The following KANSL1 variants were observed in gnomAD, a reference collection of about 807,000 sequenced individuals.
KANSL1 encodes KAT8 regulatory NSL complex subunit 1.
KANSL1 carries 22 observed loss-of-function variants against 103.6 expected under a neutral mutation model. The observed-to-expected ratio is 0.21, with a 90% confidence interval of 0.15 to 0.30. The LOEUF is 0.30. Ranked by LOEUF, KANSL1 falls within the 10% of genes least tolerant of loss-of-function variation. The pLI is 1.00. For synonymous variants in KANSL1, 600 were observed against 527.6 expected (o/e 1.14, Z -1.88); for missense variants, 1,337 against 1,399.8 (o/e 0.96, Z 0.72).
rs552931988 is a variant in KANSL1 at position 46,030,188 on chromosome 17, A to G, written c.*1288T>C. ...CTAAAAGGGTTATTCAGAATTTTCA[A>G]CCTTATAAATAGAAGAAGCACTTTA... On this transcript the variant is annotated 3_prime_UTR_variant, in exon 15 of 15. Transcript: ENST00000432791. 1 of 152,178 alleles carries G rather than the reference A, an allele frequency of 6.6e-6. No individual in the cohort carries two copies. Among genetic ancestry groups the G allele is most frequent in the African/African-American group, 2.4e-5 (1 of 41,412 alleles). The allele number at this position is 152,178 out of a possible 1,614,324, so 9.4% of individuals were successfully genotyped here.
intron 2 of KANSL1, among the ~76,000 whole-genome samples, chr17:46,100,335 G>A (rs532871317): frequency 1.3e-5 from 2 of 151,986 alleles, no homozygotes; most frequent in African/African-American, 4.8e-5. Context: ...TACATAGGAG[G>A]CTGAGGCAGG....
intron 1 of KANSL1, among the ~76,000 whole-genome samples, chr17:46,213,871 C>A (rs2048253207): frequency 6.6e-6 from 1 of 151,744 alleles, no homozygotes; most frequent in Non-Finnish European, 1.5e-5. Context: ...TGAGCCGAGA[C>A]TGCGCCACTG....
chr17:46,031,991 C>T, intron 14 of KANSL1, 56 bp downstream of exon 14: 1 of 1,611,252 alleles, frequency 6.2e-7, no homozygotes, highest in Non-Finnish European at 8.5e-7. Context: ...GATGCTGCCC[C>T]TTCCTGGTTC....
intron 1 of KANSL1, among the ~76,000 whole-genome samples, chr17:46,183,807 G>A (rs2046900922): frequency 6.6e-6 from 1 of 152,162 alleles, no homozygotes; most frequent in African/African-American, 2.4e-5. Context: ...CAGCTATTCA[G>A]AAGGCTGAGG....
intron 2 of KANSL1, among the ~76,000 whole-genome samples, chr17:46,129,828 T>C (rs2043759575): frequency 6.6e-6 from 1 of 152,016 alleles, no homozygotes; most frequent in South Asian, 2.1e-4. Context: ...TACTAAGAAA[T>C]TTATAGGACT....
chr17:46,136,779 A>G (rs1392978198), intron 2 of KANSL1, among the ~76,000 whole-genome samples: 1 of 152,294 alleles, frequency 6.6e-6, no homozygotes, highest in East Asian at 1.9e-4. Flanking sequence ...GAAGAAAACC[A>G]GAAAGACAAA....
chr17:46,150,960 G>A (rs1950273840), intron 2 of KANSL1, among the ~76,000 whole-genome samples: 1 of 148,728 alleles, frequency 6.7e-6, no homozygotes. Context: ...AGTATCTTGT[G>A]TTCAGCATTA....
Position 46,066,539 on chromosome 17 carries a change from T to C in KANSL1, c.1846A>G (p.Lys616Glu), listed in dbSNP as rs1331530218. The C allele has an allele frequency of 6.2e-7, 1 of 1,610,736 alleles. No homozygotes were observed. The change falls in exon 6 of 15, where the codon AAG becomes GAG. Residue 616 changes from lysine (K) to glutamate (E), a missense_variant and splice_region_variant. This residue lies in a region of KANSL1 where 780 missense variants were observed against 923.4 expected (regional missense o/e 0.84). Transcript: ENST00000432791. ...RPNSIVPLSK[K>E]VHRNSTIRPG... The stretch of plus-strand genomic sequence containing the variant: ...GACCAACTCTCATCTGTACCGACCT[T>C]CTTGGAAAGAGGAACGATGCTGTTG...
At position 46,031,614 on chromosome 17, in the gene KANSL1, T is replaced by C; in HGVS notation, c.3180A>G (p.Ala1060=). ...CEDQLDAQER[A]ARCTRRTSGS... is the part of the protein sequence containing the mutation. ...CTGAGGTGCGTCGAGTGCAGCGGGC[T>C]GCTCGCTCCTGTGCATCCAGCTGGT... The change falls in exon 15 of 15, where the codon GCA becomes GCG. Residue 1060 remains alanine, a synonymous_variant. Coordinates refer to ENST00000432791, the MANE Select transcript of KANSL1 (RefSeq NM_015443.4). 1 of 1,614,102 alleles carries C rather than the reference T, an allele frequency of 6.2e-7. No individual in the cohort carries two copies. Among genetic ancestry groups the C allele is most frequent in the Non-Finnish European group, 8.5e-7 (1 of 1,179,978 alleles).
At chr17:46,031,820 T>C in intron 14 of KANSL1, 117 bp from the exon 15 acceptor site, 1 of 1,095,080 alleles carries the variant, frequency 9.1e-7, no homozygotes, top group Non-Finnish European at 1.3e-6. Flanking sequence ...CTAGTGTTCC[T>C]GCGACAGTCT....
chr17:46,216,556 G>A (rs901002095), intron 1 of KANSL1, among the ~76,000 whole-genome samples: 10 of 143,040 alleles, frequency 7.0e-5, no homozygotes, highest in South Asian at 6.4e-4. Flanking sequence ...CCGAGATCAC[G>A]CCACTGCACT....
intron 1 of KANSL1, among the ~76,000 whole-genome samples, chr17:46,188,040 C>G (rs923851706): frequency 3.3e-5 from 5 of 152,136 alleles, no homozygotes; most frequent in Non-Finnish European, 7.3e-5. Flanking sequence ...TTATTTTCTC[C>G]TATGTATTTT....
chr17:46,067,670 G>A lies in KANSL1; in HGVS notation c.1534-3C>T. ...AATGGCTGAGAAACAGACTCAATCT[G>A]ATTAAGAAAAAGGAAAAAAGAAATT... On this transcript the variant is annotated splice_polypyrimidine_tract_variant and splice_region_variant and intron_variant, in intron 4 of 14. Transcript: ENST00000432791. The A allele has an allele frequency of 6.8e-7, 1 of 1,473,550 alleles. No homozygotes were observed. Among genetic ancestry groups the A allele is most frequent in the Non-Finnish European group, 9.5e-7 (1 of 1,054,412 alleles). 91.3% of individuals were successfully genotyped at this position (1,473,550 alleles called of 1,614,324 possible).
chr17:46,086,650 G>A (rs1248343378), intron 3 of KANSL1, among the ~76,000 whole-genome samples: 1 of 152,164 alleles, frequency 6.6e-6, no homozygotes, highest in Non-Finnish European at 1.5e-5. Flanking sequence ...ATAGTGAGGG[G>A]ATTAAGAAGT....
intron 4 of KANSL1, among the ~76,000 whole-genome samples, chr17:46,071,583 G>C (rs563644697): frequency 3.5e-4 from 53 of 152,274 alleles, no homozygotes; most frequent in African/African-American, 1.3e-3. Context: ...AAATGCAGAG[G>C]ATAAACATTA....
intron 10 of KANSL1, chr17:46,037,784 C>CA (rs2077192998): frequency 6.6e-6 from 1 of 152,158 alleles, no homozygotes; most frequent in Non-Finnish European, 1.5e-5. Flanking sequence ...AATTATTATA[C>CA]AAAAAGGACC....
chr17:46,043,220 A>G (rs1355884981), intron 7 of KANSL1: 1 of 152,074 alleles, frequency 6.6e-6, no homozygotes, highest in East Asian at 1.9e-4. Flanking sequence ...TTTTGTATAT[A>G]TATGTAATGG....
chr17:46,052,455 G>A (rs1019825487), intron 6 of KANSL1, among the ~76,000 whole-genome samples: 4 of 151,234 alleles, frequency 2.6e-5, no homozygotes, highest in African/African-American at 9.7e-5. Context: ...AAATAGAAAC[G>A]TCAGCTGGGT....
rs35520207 is a variant in KANSL1 at position 46,080,312 on chromosome 17, TAAAAAAAAA to T, written c.1533+2120_1533+2128del. 4.0e-4 allele frequency among the ~76,000 whole-genome samples: 31 copies of T among 77,780 alleles called. No individual in the cohort carries two copies. The South Asian group carries it at 4.1e-3, about 10-fold the overall frequency. The allele number at this position is 77,780 out of a possible 152,430, so 51.0% of individuals were successfully genotyped here. ...TGGGTGACAGAGCAAGAGCCTGTCT[TAAAAAAAAA>T]AAAAAAAAAAAAAAAGGAATAAATA... On this transcript the variant is annotated intron_variant, in intron 4 of 14. Coordinates refer to ENST00000432791, the MANE Select transcript of KANSL1 (RefSeq NM_015443.4).
Sources: allele counts gnomAD v4.1 joint callset (sites outside exome capture counted in the v4.1 genomes callset), GRCh38; gene constraint gnomAD v4.1.1; regional missense constraint gnomAD v4.1.1; transcripts MANE v1.5; gene names NCBI Gene and HGNC (gene_info 2026-07-23, HGNC 2026-07-21).